The following AMPH variants were observed in gnomAD, a reference collection of about 807,000 sequenced individuals.
AMPH encodes amphiphysin.
Under a neutral mutation model 99.1 loss-of-function variants are expected in AMPH, and 49 were observed. The observed-to-expected ratio is 0.49, with a 90% confidence interval of 0.39 to 0.63. The LOEUF (loss-of-function observed/expected upper bound fraction) is 0.63, where lower values mean the gene tolerates loss of function less well. Ranked by LOEUF, AMPH falls within the 20% of genes least tolerant of loss-of-function variation. The pLI is 0.00. For missense variants in AMPH, 759 were observed against 863.4 expected (o/e 0.88, Z 1.52); for synonymous variants, 314 against 317.3 (o/e 0.99, Z 0.11).
At chr7:38,498,711 A>C (rs1269996862) in intron 3 of AMPH, among the ~76,000 whole-genome samples, 1 of 152,222 alleles carries the variant, frequency 6.6e-6, no homozygotes, top group Non-Finnish European at 1.5e-5. Flanking sequence ...CACAATCACA[A>C]TAACTATTTT....
intron 1 of AMPH, among the ~76,000 whole-genome samples, chr7:38,579,486 A>G (rs1208354536): frequency 1.3e-5 from 2 of 152,252 alleles, no homozygotes; most frequent in Non-Finnish European, 2.9e-5. Flanking sequence ...GTTGCTTTAC[A>G]ATGTAATATA....
At position 38,384,626 on chromosome 7, in the gene AMPH, G is replaced by A. The variant is rs898416271; in HGVS notation, c.*192C>T. 2 of 512,338 alleles carry A rather than the reference G, an allele frequency of 3.9e-6. No homozygotes were observed. Among genetic ancestry groups the A allele is most frequent in the African/African-American group, 1.9e-5 (1 of 52,680 alleles). 31.7% of individuals were successfully genotyped at this position (512,338 alleles called of 1,614,324 possible). A position where few individuals can be genotyped will look rare whatever the true frequency, so the allele number is the denominator to read the frequency against. Reference sequence around the variant, plus strand: ...TATTGACAACATGGGAATGAGTGAGGATTTTTTCCTTAATTTACTTTTTTT... The same window carrying A: ...TATTGACAACATGGGAATGAGTGAGAATTTTTTCCTTAATTTACTTTTTTT... On this transcript the variant is annotated 3_prime_UTR_variant, in exon 21 of 21. Transcript: ENST00000356264.
At chr7:38,614,716 C>T (rs1192906384) in intron 1 of AMPH, among the ~76,000 whole-genome samples, 5 of 152,130 alleles carry the variant, frequency 3.3e-5, no homozygotes, top group African/African-American at 7.2e-5. Flanking sequence ...TATGATTTTT[C>T]CAAACCATCT....
At chr7:38,547,186 C>T (rs1791023723) in intron 1 of AMPH, among the ~76,000 whole-genome samples, 12 of 152,094 alleles carry the variant, frequency 7.9e-5, no homozygotes, top group Admixed American at 4.6e-4. Context: ...AAAAATGTCC[C>T]CAGCAGCCTC....
intron 1 of AMPH, among the ~76,000 whole-genome samples, chr7:38,588,973 T>C (rs1454420553): frequency 6.6e-6 from 1 of 152,104 alleles, no homozygotes; most frequent in African/African-American, 2.4e-5. Flanking sequence ...CAAACAAATA[T>C]AATTAATTGA....
chr7:38,447,444 AT>A (rs1453340531), intron 11 of AMPH, among the ~76,000 whole-genome samples: 1 of 152,196 alleles, frequency 6.6e-6, no homozygotes, highest in African/African-American at 2.4e-5. Flanking sequence ...GTAATTTACT[AT>A]TTTTTTACAT....
intron 11 of AMPH, among the ~76,000 whole-genome samples, chr7:38,449,092 T>C (rs189026846): frequency 6.6e-6 from 1 of 152,282 alleles, no homozygotes; most frequent in Admixed American, 6.5e-5. Context: ...ATGACTAAAC[T>C]GGTTGAGTAA....
At chr7:38,412,674 G>A (rs570791946) in intron 17 of AMPH, among the ~76,000 whole-genome samples, 1 of 152,210 alleles carries the variant, frequency 6.6e-6, no homozygotes, top group Non-Finnish European at 1.5e-5. Context: ...CAAAGACAGA[G>A]AGAAAGATCT....
chr7:38,423,785 G>C (rs1785682289), intron 15 of AMPH, among the ~76,000 whole-genome samples: 1 of 152,136 alleles, frequency 6.6e-6, no homozygotes, highest in African/African-American at 2.4e-5. Context: ...GGTAACAACA[G>C]AAGAATAGTA....
In AMPH at chr7:38,503,995, G is replaced by T. The variant is rs185817433; in HGVS notation, c.151-291C>A. Among the ~76,000 whole-genome samples the T allele has an allele frequency of 9.2e-5, 14 of 152,278 alleles. No homozygotes were observed. The East Asian group carries it at 2.7e-3, about 29-fold the overall frequency. ...ATCAAATTTCTAGATTTTGACACATGGGTTATAATAGCAGGGAAGTGATCA... is the reference window on the plus strand; with the variant it reads ...ATCAAATTTCTAGATTTTGACACATTGGTTATAATAGCAGGGAAGTGATCA... On this transcript the variant is annotated intron_variant, in intron 2 of 20. Coordinates refer to ENST00000356264, the MANE Select transcript of AMPH (RefSeq NM_001635.4).
chr7:38,392,147 CT>C, intron 18 of AMPH, 130 bp from the exon 19 acceptor site: 4 of 917,322 alleles, frequency 4.4e-6, no homozygotes, highest in Non-Finnish European at 6.5e-6. Context: ...ACTAGCCAGA[CT>C]CAGGTCTGGG....
chr7:38,546,699 T>C (rs947866692), intron 1 of AMPH, among the ~76,000 whole-genome samples: 16 of 152,198 alleles, frequency 1.1e-4, no homozygotes, highest in Admixed American at 1.3e-4. Flanking sequence ...GACTGCATGA[T>C]AGATGGGTGG....
At chr7:38,597,902 T>C (rs1014302086) in intron 1 of AMPH, among the ~76,000 whole-genome samples, 5 of 152,190 alleles carry the variant, frequency 3.3e-5, no homozygotes, top group Non-Finnish European at 5.9e-5. Flanking sequence ...TCAGAAAGAG[T>C]TCCCTTTCCT....
chr7:38,471,298 T>G (rs924435446), intron 7 of AMPH, among the ~76,000 whole-genome samples: 25 of 152,206 alleles, frequency 1.6e-4, no homozygotes, highest in African/African-American at 5.5e-4. Context: ...ATGGTGGTTT[T>G]ACTTATTTTA....
Position 38,440,066 on chromosome 7 carries a change from G to A in AMPH, c.1018-3678C>T, listed in dbSNP as rs547856206. On this transcript the variant is annotated intron_variant, in intron 11 of 20. Transcript: ENST00000356264. Reference sequence around the variant, plus strand: ...TGTATTCCGCCATTCACCGTGAAAAGTAGAGCCTTGCATAGCTGCTAGTCC... The same window carrying A: ...TGTATTCCGCCATTCACCGTGAAAAATAGAGCCTTGCATAGCTGCTAGTCC... 2.0e-4 allele frequency among the ~76,000 whole-genome samples: 31 copies of A among 152,278 alleles called. No individual in the cohort carries two copies. In the South Asian group the frequency reaches 5.2e-3, roughly 25 times the overall value.
At chr7:38,399,687 A>G (rs1301787236) in intron 17 of AMPH, among the ~76,000 whole-genome samples, 1 of 152,142 alleles carries the variant, frequency 6.6e-6, no homozygotes, top group Non-Finnish European at 1.5e-5. Flanking sequence ...AATGACTACC[A>G]TTTGCTTTTT....
intron 5 of AMPH, among the ~76,000 whole-genome samples, chr7:38,484,302 C>T (rs1788406596): frequency 6.6e-6 from 1 of 152,020 alleles, no homozygotes; most frequent in South Asian, 2.1e-4. Flanking sequence ...TAAAAGTCTA[C>T]ACAGGGACAC....
At chr7:38,507,640 T>G (rs1306329559) in intron 2 of AMPH, among the ~76,000 whole-genome samples, 2 of 152,226 alleles carry the variant, frequency 1.3e-5, no homozygotes, top group African/African-American at 4.8e-5. Flanking sequence ...CCAAATCCCT[T>G]TGTAAAGTAT....
chr7:38,406,753 T>TC (rs1785017260), intron 17 of AMPH, among the ~76,000 whole-genome samples: 1 of 141,264 alleles, frequency 7.1e-6, no homozygotes, highest in African/African-American at 2.9e-5. Flanking sequence ...TCTCTCTCTC[T>TC]CTCTCTCTCT....
Sources: gnomAD v4.1 joint callset for allele counts (sites outside exome capture counted in the v4.1 genomes callset) on GRCh38, gnomAD v4.1.1 for gene constraint, MANE v1.5 for transcripts, NCBI Gene and HGNC (gene_info 2026-07-23, HGNC 2026-07-21) for gene names.